Variants in SBNO1 observed in about 807,000 individuals in gnomAD.
SBNO1 encodes strawberry notch homolog 1.
A neutral mutation model predicts 173.6 loss-of-function variants in SBNO1; 23 were observed. The observed-to-expected ratio is 0.13, with a 90% CI of 0.10 to 0.19. SBNO1 has a LOEUF of 0.19. Ranked by LOEUF, SBNO1 falls within the 10% of genes least tolerant of loss-of-function variation. SBNO1 has a pLI of 1.00. For synonymous variants in SBNO1, 632 were observed against 571.5 expected, an observed-to-expected ratio of 1.11 and a Z score of -1.51; for missense variants, 1,238 against 1,671.2, an observed-to-expected ratio of 0.74 and a Z score of 4.52.
chr12:123,315,234 C>CT, intron 23 of SBNO1, 139 bp downstream of exon 23: 1 of 642,152 alleles, frequency 1.6e-6, no homozygotes, highest in South Asian at 1.9e-5. Flanking sequence ...GAAATTCTGT[C>CT]TTATAGGAAG....
intron 5 of SBNO1, among the ~76,000 whole-genome samples, chr12:123,339,584 C>T (rs1275592348): frequency 5.3e-5 from 8 of 151,992 alleles, no homozygotes; most frequent in Non-Finnish European, 7.4e-5. Context: ...GTCAGGTATT[C>T]GAGACCAGCC....
intron 6 of SBNO1, 148 bp downstream of exon 6, chr12:123,336,247 T>C: frequency 1.7e-6 from 1 of 584,814 alleles, no homozygotes. Flanking sequence ...AAAATTAAAA[T>C]AAAATCCAAG....
At chr12:123,325,776 A>C (rs1870541443) in intron 14 of SBNO1, among the ~76,000 whole-genome samples, 177 bp from the exon 15 acceptor site, 1 of 151,308 alleles carries the variant, frequency 6.6e-6, no homozygotes. Flanking sequence ...ATTTGTCAAA[A>C]ATTTAGGCAG....
intron 30 of SBNO1, among the ~76,000 whole-genome samples, chr12:123,300,739 A>T (rs1435027127): frequency 6.6e-6 from 1 of 152,076 alleles, no homozygotes; most frequent in Non-Finnish European, 1.5e-5. Flanking sequence ...TGGTGGGCAG[A>T]TCACAAAGTC....
At chr12:123,313,807 GGCTGGGT>G in intron 23 of SBNO1, 88 bp from the exon 24 acceptor site, 1 of 739,330 alleles carries the variant, frequency 1.4e-6, no homozygotes, top group Non-Finnish European at 2.3e-6. Context: ...AAAAACTACT[GGCTGGGT>G]GCGGTGGCTC....
intron 28 of SBNO1, among the ~76,000 whole-genome samples, chr12:123,305,871 T>C (rs1413104693): frequency 6.6e-6 from 1 of 152,132 alleles, no homozygotes; most frequent in Non-Finnish European, 1.5e-5. Context: ...AACTGGAAAA[T>C]TCATTTCTTC....
chr12:123,350,712 T>C (rs967114628), intron 1 of SBNO1, among the ~76,000 whole-genome samples: 2 of 152,134 alleles, frequency 1.3e-5, no homozygotes, highest in Admixed American at 6.5e-5. Context: ...ATAATGAACT[T>C]TGTGGAAGCA....
intron 13 of SBNO1, 81 bp downstream of exon 13, chr12:123,327,345 G>T: frequency 8.9e-7 from 1 of 1,118,146 alleles, no homozygotes; most frequent in Non-Finnish European, 1.3e-6. Flanking sequence ...CCATGGGCAG[G>T]AGGCATCGCA....
intron 15 of SBNO1, 61 bp downstream of exon 15, chr12:123,325,441 G>T: frequency 8.5e-7 from 1 of 1,176,836 alleles, no homozygotes; most frequent in Non-Finnish European, 1.3e-6. Flanking sequence ...TGCCCACATT[G>T]GAACTAAGGT....
chr12:123,296,018 G>A lies in SBNO1; in HGVS notation c.4072C>T (p.Leu1358Phe), dbSNP rs2048586568. Residue 1358 changes from leucine to phenylalanine, a missense_variant, in exon 32 of 32, where the codon CTT becomes TTT. By Grantham distance (22) the Leu-to-Phe change is conservative. This residue lies in a region of SBNO1 where 351 missense variants were observed against 420.3 expected (regional missense o/e 0.84). Coordinates refer to ENST00000602398, the MANE Select transcript of SBNO1 (RefSeq NM_001167856.3). ...TCTGAAGTTGATAGGAGATTTACAA[G>A]AGGAGACACACAATTTGCCGGAATG... ...LIIPANCVSPLVNLLSTSDQS... is the reference protein window; with the variant it reads ...LIIPANCVSPFVNLLSTSDQS... 6.2e-7 allele frequency: 1 copy of A among 1,613,786 alleles called. No individual in the cohort carries two copies. The highest frequency in any genetic ancestry group is 1.3e-5 in the African/African-American group (1 of 74,908).
intron 25 of SBNO1, among the ~76,000 whole-genome samples, chr12:123,310,570 T>C (rs2049027588): frequency 6.6e-6 from 1 of 150,878 alleles, no homozygotes; most frequent in Admixed American, 6.6e-5. Flanking sequence ...CTTGCTCTAT[T>C]GTCGCCGAAG....
chr12:123,361,330 T>C (rs1361612226), intron 1 of SBNO1, among the ~76,000 whole-genome samples: 2 of 151,692 alleles, frequency 1.3e-5, no homozygotes, highest in East Asian at 3.9e-4. Context: ...GGGTGGATCA[T>C]CTCAGGTCGG....
chr12:123,326,172 C>T lies in SBNO1; in HGVS notation c.1855G>A (p.Glu619Lys). The change falls in exon 14 of 32, where the codon GAG (glutamate) becomes AAG (lysine). Residue 619 changes from glutamate to lysine, a missense_variant. By Grantham distance (56) the Glu-to-Lys change is moderately conservative. Transcript: ENST00000602398. ...CTTACTTTTCCATTCTTGATTTCCT[C>T]TCGAGCTAGTTGCACAACCCTTTTA... The part of the protein sequence containing the change: ...KVKRVVQLAR[E>K]EIKNGKCVVI... 6.2e-7 allele frequency: 1 copy of T among 1,607,938 alleles called. No homozygotes were observed. Among genetic ancestry groups the T allele is most frequent in the Non-Finnish European group, 8.5e-7 (1 of 1,176,622 alleles).
chr12:123,315,492 G>A, intron 22 of SBNO1, 48 bp from the exon 23 acceptor site: 3 of 1,590,830 alleles, frequency 1.9e-6, no homozygotes, highest in Non-Finnish European at 2.6e-6. Context: ...CCTTTTACCA[G>A]AAAACAGGTA....
At chr12:123,305,454 G>A (rs2048889286) in intron 28 of SBNO1, among the ~76,000 whole-genome samples, 1 of 152,072 alleles carries the variant, frequency 6.6e-6, no homozygotes, top group Admixed American at 6.6e-5. Context: ...GAGAAATGTT[G>A]GAATTTAGGT....
Position 123,334,092 on chromosome 12 carries a change from T to C in SBNO1, c.870A>G (p.Leu290=). Residue 290 remains leucine, a synonymous_variant, in exon 7 of 32, where the codon TTA becomes TTG. Transcript: ENST00000602398. ...ISEETIDNGW[L]SALQLEAITY... ...TAATTGCCTCAAGCTGCAATGCTGA[T>C]AACCAGCCATTATCAATGGTTTCCT... 6.2e-7 allele frequency: 1 copy of C among 1,602,852 alleles called. No individual in the cohort carries two copies. Among genetic ancestry groups the C allele is most frequent in the East Asian group, 2.2e-5 (1 of 44,498 alleles).
intron 13 of SBNO1, among the ~76,000 whole-genome samples, chr12:123,326,628 A>G (rs1195882685): frequency 2.0e-5 from 3 of 152,210 alleles, no homozygotes; most frequent in Non-Finnish European, 4.4e-5. Flanking sequence ...AATCTGAAAT[A>G]TAAGAACATT....
Position 123,320,715 on chromosome 12 carries a change from AGCAGGTGAGATAACTGGT to A in SBNO1, c.2457_2474del (p.Val821_Pro826del). Reference sequence around the variant, plus strand: ...TATGGATACCTGGTGTACTGTTAGGAGCAGGTGAGATAACTGGTGTAGATGAAAAACTAGGTCGTTTTG... The same window carrying A: ...TATGGATACCTGGTGTACTGTTAGGAGTAGATGAAAAACTAGGTCGTTTTG... On this transcript the variant is annotated inframe_deletion, in exon 18 of 32. Transcript: ENST00000602398. 1 of 1,608,828 alleles carries A rather than the reference AGCAGGTGAGATAACTGGT, an allele frequency of 6.2e-7. No homozygotes were observed. Among genetic ancestry groups the A allele is most frequent in the South Asian group, 1.1e-5 (1 of 89,664 alleles).
chr12:123,297,576 T>C (rs1265885562), intron 31 of SBNO1, among the ~76,000 whole-genome samples: 1 of 151,984 alleles, frequency 6.6e-6, no homozygotes, highest in African/African-American at 2.4e-5. Context: ...ATAGCTGGCC[T>C]AGTCTACCCT....
Sources: gnomAD v4.1 joint callset for allele counts (sites outside exome capture counted in the v4.1 genomes callset) on GRCh38, gnomAD v4.1.1 for gene constraint, gnomAD v4.1.1 regional missense constraint, MANE v1.5 for transcripts, NCBI Gene and HGNC (gene_info 2026-07-23, HGNC 2026-07-21) for gene names.